Variants in ANK3 observed in about 807,000 individuals in gnomAD.
The protein encoded by ANK3 is ankyrin-3.
ANK3 carries 57 observed loss-of-function variants against 370.9 expected under a neutral mutation model. The ratio of observed to expected loss-of-function variants is 0.15; its 90% CI spans 0.12 to 0.19. The LOEUF (loss-of-function observed/expected upper bound fraction) is 0.19. ANK3 is among the 10% of genes least tolerant of loss of function. The pLI, the probability that ANK3 is intolerant of heterozygous loss-of-function variation, is 1.00. For synonymous variants in ANK3, 1,929 were observed against 1,946.3 expected, an observed-to-expected ratio of 0.99 and a Z score of 0.23; for missense variants, 4,439 against 5,302.1, an observed-to-expected ratio of 0.84 and a Z score of 5.06.
chr10:60,637,587 G>T (rs2133346859), intron 1 of ANK3, among the ~76,000 whole-genome samples: 1 of 152,204 alleles, frequency 6.6e-6, no homozygotes, highest in Middle Eastern at 3.4e-3. Context: ...CATGTTCAAG[G>T]ATTTTTAACA....
intron 2 of ANK3, among the ~76,000 whole-genome samples, chr10:60,583,887 GAGA>G (rs1387883701): frequency 6.6e-6 from 1 of 151,994 alleles, no homozygotes; most frequent in East Asian, 1.9e-4. Context: ...CCCAGCCACA[GAGA>G]AGTATTTTAA....
chr10:60,275,278 G>A (rs978932570), intron 4 of ANK3, among the ~76,000 whole-genome samples: 2 of 152,112 alleles, frequency 1.3e-5, no homozygotes, highest in Admixed American at 1.3e-4. Context: ...AATACCTTCT[G>A]CTCTGAATGT....
intron 23 of ANK3, among the ~76,000 whole-genome samples, chr10:60,158,997 T>C (rs982452102): frequency 1.3e-5 from 2 of 151,932 alleles, no homozygotes; most frequent in African/African-American, 4.8e-5. Context: ...ATCACTTTTA[T>C]ACAAAGAAAG....
chr10:60,664,475 G>A (rs553868537), intron 1 of ANK3, among the ~76,000 whole-genome samples: 4 of 152,160 alleles, frequency 2.6e-5, no homozygotes, highest in East Asian at 1.9e-4. Context: ...GTTGAGAATC[G>A]GTCACCTTGA....
intron 1 of ANK3, among the ~76,000 whole-genome samples, chr10:60,676,977 T>C (rs1372713): frequency 0.04 from 6,080 of 152,306 alleles, 158 homozygotes; most frequent in South Asian, 0.072. Flanking sequence ...ACATATTCTA[T>C]GTATGTATCA....
chr10:60,129,749 TCACACA>T (rs3045374), intron 25 of ANK3, among the ~76,000 whole-genome samples: 1 of 150,940 alleles, frequency 6.6e-6, no homozygotes. Context: ...TGAGACTCTG[TCACACA>T]CACACACACA....
chr10:60,450,424 C>A (rs2064568292), intron 2 of ANK3, among the ~76,000 whole-genome samples: 1 of 152,168 alleles, frequency 6.6e-6, no homozygotes, highest in Admixed American at 6.5e-5. Flanking sequence ...TAACAATCAG[C>A]AATCAGCTCT....
chr10:60,690,471 A>T (rs972586819), intron 1 of ANK3, among the ~76,000 whole-genome samples: 2 of 152,172 alleles, frequency 1.3e-5, no homozygotes, highest in African/African-American at 4.8e-5. Flanking sequence ...AAAATAGTAT[A>T]ATTTATTGAA....
At chr10:60,116,947 G>A (rs533543690) in intron 25 of ANK3, among the ~76,000 whole-genome samples, 1 of 152,246 alleles carries the variant, frequency 6.6e-6, no homozygotes, top group Admixed American at 6.5e-5. Context: ...CGGAGACAAA[G>A]ACAGGGTCTA....
chr10:60,313,408 G>T (rs2046762083), intron 1 of ANK3, among the ~76,000 whole-genome samples: 1 of 152,200 alleles, frequency 6.6e-6, no homozygotes. Flanking sequence ...ACTCAAGTAT[G>T]TGCAGAGAGT....
intron 5 of ANK3, among the ~76,000 whole-genome samples, chr10:60,265,374 A>T (rs1390817878): frequency 6.6e-6 from 1 of 152,128 alleles, no homozygotes; most frequent in Non-Finnish European, 1.5e-5. Context: ...CATACTCTAT[A>T]CATTTTGACT....
chr10:60,377,741 T>G (rs1264893589), intron 1 of ANK3, among the ~76,000 whole-genome samples: 2 of 152,200 alleles, frequency 1.3e-5, no homozygotes, highest in Non-Finnish European at 2.9e-5. Flanking sequence ...CAGGGTGCCT[T>G]AGAGTCTGAT....
At chr10:60,342,696 G>A (rs1178413659) in intron 1 of ANK3, among the ~76,000 whole-genome samples, 1 of 152,188 alleles carries the variant, frequency 6.6e-6, no homozygotes, top group Non-Finnish European at 1.5e-5. Context: ...AACCAGACAA[G>A]TTAGGTAATA....
At chr10:60,584,542 A>G (rs888136814) in intron 2 of ANK3, among the ~76,000 whole-genome samples, 1 of 152,158 alleles carries the variant, frequency 6.6e-6, no homozygotes, top group African/African-American at 2.4e-5. Context: ...CACTTGAGCC[A>G]GGAGTTTGAG....
At chr10:60,110,001 C>T (rs567672205) in intron 26 of ANK3, among the ~76,000 whole-genome samples, 2 of 152,028 alleles carry the variant, frequency 1.3e-5, no homozygotes, top group Non-Finnish European at 2.9e-5. Flanking sequence ...CAGGGGAACA[C>T]AAATATATCC....
intron 16 of ANK3, among the ~76,000 whole-genome samples, chr10:60,195,792 G>T (rs1221558721): frequency 6.6e-6 from 1 of 151,972 alleles, no homozygotes; most frequent in Non-Finnish European, 1.5e-5. Context: ...AGGCAATTAT[G>T]TGGCCAGAAA....
Position 60,075,507 on chromosome 10 carries a change from G to A in ANK3, c.5374C>T (p.Leu1792=), listed in dbSNP as rs1167302579. The change falls in exon 37 of 44, where the codon CTA becomes TTA. Residue 1792 remains leucine, a synonymous_variant. Transcript: ENST00000280772. The part of the protein sequence containing the change: ...VSAAPSAFQS[L]RTPSASALYT... ...AGTGCACTTGCGGAAGGAGTTCTTA[G>A]AGACTGAAAAGCTGATGGTGCTGCA... 14 of 1,613,488 alleles carry A rather than the reference G, an allele frequency of 8.7e-6. No individual in the cohort carries two copies. The East Asian group carries it at 2.2e-4, about 26-fold the overall frequency.
intron 2 of ANK3, among the ~76,000 whole-genome samples, chr10:60,502,274 T>C (rs1380555898): frequency 6.6e-6 from 1 of 152,178 alleles, no homozygotes; most frequent in Non-Finnish European, 1.5e-5. Flanking sequence ...TCTTGCTTCA[T>C]GGTAACATAT....
chr10:60,715,211 A>G (rs1203121257), intron 1 of ANK3, among the ~76,000 whole-genome samples: 1 of 84,502 alleles, frequency 1.2e-5, no homozygotes, highest in Non-Finnish European at 2.4e-5. Flanking sequence ...ATTTACATAT[A>G]CAAATGTGTG....
Sources: allele counts gnomAD v4.1 joint callset (sites outside exome capture counted in the v4.1 genomes callset), GRCh38; gene constraint gnomAD v4.1.1; transcripts MANE v1.5; gene names NCBI Gene and HGNC (gene_info 2026-07-23, HGNC 2026-07-21).